The following PPEF1 variants were observed in gnomAD, a reference collection of about 807,000 sequenced individuals.
PPEF1 encodes the protein serine/threonine-protein phosphatase with EF-hands 1.
PPEF1 carries 12 observed loss-of-function variants against 53.3 expected under a neutral mutation model. The ratio of observed to expected loss-of-function variants is 0.23; its 90% CI spans 0.14 to 0.36. PPEF1 has a LOEUF of 0.36. Ranked by LOEUF, PPEF1 falls within the 10% of genes least tolerant of loss-of-function variation. The pLI is 1.00. For synonymous variants in PPEF1, 165 were observed against 176.7 expected (o/e 0.93, Z 0.52); for missense variants, 334 against 490.4 (o/e 0.68, Z 3.01).
At chrX:18,730,997 G>T (rs956891382) in intron 2 of PPEF1, among the ~76,000 whole-genome samples, 10 of 111,736 alleles carry the variant, frequency 8.9e-5, no homozygotes, top group Admixed American at 4.7e-4. Flanking sequence ...TTACAGGCGT[G>T]AGCCACCGCA....
intron 12 of PPEF1, among the ~76,000 whole-genome samples, chrX:18,813,473 T>C: frequency 9.0e-6 from 1 of 111,030 alleles, no homozygotes; most frequent in African/African-American, 3.3e-5. Flanking sequence ...AGTAGAGTCA[T>C]TGAGATTTTT....
intron 10 of PPEF1, among the ~76,000 whole-genome samples, chrX:18,795,183 G>A (rs1006643468): frequency 5.8e-4 from 64 of 110,865 alleles, no homozygotes; most frequent in African/African-American, 2.1e-3. Flanking sequence ...GGTGGTGCAT[G>A]CCTGTAGTAC....
At chrX:18,766,946 GGAGGCT>G (rs1372200060) in intron 6 of PPEF1, among the ~76,000 whole-genome samples, 1 of 111,841 alleles carries the variant, frequency 8.9e-6, no homozygotes, top group East Asian at 2.8e-4. Context: ...CAGCTACCTG[GGAGGCT>G]GAGGCAGGAG....
intron 6 of PPEF1, among the ~76,000 whole-genome samples, chrX:18,701,624 T>A (rs757321204): frequency 8.9e-6 from 1 of 112,383 alleles, no homozygotes; most frequent in South Asian, 3.7e-4. Context: ...GTTCTTGAGA[T>A]GCTTTACTTC....
intron 3 of PPEF1, among the ~76,000 whole-genome samples, chrX:18,686,766 T>C (rs1929096724): frequency 1.8e-5 from 2 of 111,818 alleles, no homozygotes; most frequent in South Asian, 7.5e-4. Flanking sequence ...CTAACATTTA[T>C]TGAATACTAT....
chrX:18,678,379 A>G (rs1928756523), upstream of PPEF1, among the ~76,000 whole-genome samples: 1 of 108,849 alleles, frequency 9.2e-6, no homozygotes, highest in Admixed American at 9.8e-5. Context: ...CGAGGCTGCA[A>G]CAAGCTGAGA....
intron 3 of PPEF1, among the ~76,000 whole-genome samples, chrX:18,740,286 T>G (rs2045117225): frequency 8.9e-6 from 1 of 112,600 alleles, no homozygotes; most frequent in Admixed American, 9.4e-5. Flanking sequence ...ACTTCATTTT[T>G]CATCCACAAA....
intron 15 of PPEF1, among the ~76,000 whole-genome samples, chrX:18,827,022 C>T (rs1259168581): frequency 1.8e-5 from 2 of 111,719 alleles, no homozygotes; most frequent in East Asian, 5.6e-4. Context: ...GTCCCATAGT[C>T]CACAACCCCG....
intron 10 of PPEF1, among the ~76,000 whole-genome samples, chrX:18,792,742 CACAA>C (rs1317103669): frequency 9.9e-5 from 11 of 111,522 alleles, no homozygotes; most frequent in Admixed American, 8.6e-4. Context: ...GGACAAAACG[CACAA>C]ACAAAGCAAG....
intron 4 of PPEF1, 92 bp from the exon 5 acceptor site, chrX:18,757,535 C>T (rs1239663833): frequency 1.6e-5 from 10 of 609,820 alleles, no homozygotes; most frequent in Middle Eastern, 3.1e-4. Context: ...CGACCTGAAA[C>T]GTGCGTGCTT....
At chrX:18,825,697 C>T (rs2047152876) in intron 14 of PPEF1, 54 bp from the exon 15 acceptor site, 4 of 748,864 alleles carry the variant, frequency 5.3e-6, no homozygotes, top group South Asian at 6.5e-5. Context: ...TTGCTAAAAG[C>T]GATCAGTGTC....
chrX:18,682,110 G>A (rs1333670286), upstream of PPEF1, among the ~76,000 whole-genome samples: 1 of 112,810 alleles, frequency 8.9e-6, no homozygotes, highest in Admixed American at 9.4e-5. Context: ...CCAAAGCCAG[G>A]AATGATGTCC....
rs1569265684 is a variant in PPEF1 at position 18,789,270 on chromosome X, A to G, written c.1062A>G (p.Glu354=). The change falls in exon 10 of 16, where the codon GAA becomes GAG. Residue 354 remains glutamate (E), a synonymous_variant. Transcript: ENST00000470157. The part of the protein sequence containing the change: ...PTEHLTEHEW[E]QIIDILWSDP... ...AACACTTAACAGAGCATGAATGGGA[A>G]CAGGTAGGTAATCAGGGTGTTCACT... 8.3e-7 allele frequency: 1 copy of G among 1,207,977 alleles called. No individual in the cohort carries two copies. Among genetic ancestry groups the G allele is most frequent in the Non-Finnish European group, 1.1e-6 (1 of 892,338 alleles).
chrX:18,741,875 C>T (rs1205485489), intron 3 of PPEF1, among the ~76,000 whole-genome samples: 4 of 106,149 alleles, frequency 3.8e-5, no homozygotes, highest in Non-Finnish European at 7.7e-5. Flanking sequence ...GCAATCTCAC[C>T]TCACTGCAAC....
At chrX:18,676,917 C>T (rs1928695872) in intron 1 of PPEF1, among the ~76,000 whole-genome samples, 1 of 111,533 alleles carries the variant, frequency 9.0e-6, no homozygotes, top group Admixed American at 9.6e-5. Context: ...TGGTGTCCCT[C>T]TGTTGCATGC....
intron 5 of PPEF1, among the ~76,000 whole-genome samples, chrX:18,758,547 G>C (rs1274412850): frequency 9.0e-6 from 1 of 111,712 alleles, no homozygotes; most frequent in Non-Finnish European, 1.9e-5. Context: ...TGATGTAGCA[G>C]TGCCTACCTC....
intron 3 of PPEF1, among the ~76,000 whole-genome samples, chrX:18,743,430 T>G: frequency 9.7e-6 from 1 of 103,611 alleles, no homozygotes; most frequent in Non-Finnish European, 2.0e-5. Context: ...TTTTTTCTTT[T>G]CTTTTTTCTC....
At chrX:18,692,686 C>T (rs149368047) in intron 4 of PPEF1, among the ~76,000 whole-genome samples, 74 of 111,640 alleles carry the variant, frequency 6.6e-4, no homozygotes, top group African/African-American at 2.4e-3. Flanking sequence ...CTGCTTTTCC[C>T]CATTCATCAC....
chrX:18,772,224 T>C (rs1215278031), intron 6 of PPEF1, among the ~76,000 whole-genome samples: 4 of 110,415 alleles, frequency 3.6e-5, no homozygotes, highest in Non-Finnish European at 7.6e-5. Flanking sequence ...ATCACCAAGG[T>C]TTTTATCTTC....
Sources: allele counts gnomAD v4.1 joint callset (sites outside exome capture counted in the v4.1 genomes callset), GRCh38; gene constraint gnomAD v4.1.1; transcripts MANE v1.5; gene names NCBI Gene and HGNC (gene_info 2026-07-23, HGNC 2026-07-21).